Variants in PAIP1 observed in about 807,000 individuals in gnomAD.
The protein encoded by PAIP1 is polyadenylate-binding protein-interacting protein 1.
In PAIP1, 16 loss-of-function variants were observed where a neutral mutation model predicts 61.3. That is an observed-to-expected ratio of 0.26 (90% CI 0.18 to 0.40). The LOEUF (loss-of-function observed/expected upper bound fraction) is 0.40, where lower values mean the gene tolerates loss of function less well. Among genes scored for constraint, PAIP1 ranks in the 10% least tolerant of loss-of-function variants. The probability of loss-of-function intolerance (pLI) is 1.00; values close to 1 mark genes in which losing one functional copy is unlikely to be tolerated. For missense variants in PAIP1, 416 were observed against 600.9 expected (o/e 0.69, Z 3.22); for synonymous variants, 187 against 226.2 (o/e 0.83, Z 1.56).
In PAIP1 at chr5:43,547,741, A is replaced by C. The variant is rs1269814753; in HGVS notation, c.608T>G (p.Leu203Arg). The C allele has an allele frequency of 1.2e-6, 2 of 1,607,186 alleles. No homozygotes were observed. Among genetic ancestry groups the C allele is most frequent in the African/African-American group, 2.7e-5 (2 of 74,566 alleles). Residue 203 changes from leucine to arginine, a missense_variant, in exon 3 of 11, where the codon CTC becomes CGC. By Grantham distance (102) the Leu-to-Arg change is moderately radical. This residue lies in a region of PAIP1 where 180 missense variants were observed against 211.2 expected (regional missense o/e 0.85). Transcript: ENST00000306846. Reference sequence around the variant, plus strand: ...AAGCCAACATACCTGTTGATAGATGAGTTCCACAAGTTCTTGCAAAGCATC... The same window carrying C: ...AAGCCAACATACCTGTTGATAGATGCGTTCCACAAGTTCTTGCAAAGCATC... ...TDDALQELVE[L>R]IYQQATSIPN...
chr5:43,537,936 G>A (rs1747218710), intron 5 of PAIP1, among the ~76,000 whole-genome samples: 1 of 145,550 alleles, frequency 6.9e-6, no homozygotes, highest in Non-Finnish European at 1.5e-5. Context: ...GGAGGTTGTA[G>A]TGAGCCGAGA....
intron 2 of PAIP1, among the ~76,000 whole-genome samples, chr5:43,551,896 T>C (rs1046897588): frequency 2.0e-5 from 3 of 152,126 alleles, no homozygotes; most frequent in African/African-American, 7.2e-5. Flanking sequence ...GCATAGAGTA[T>C]TTGGAACAGA....
At chr5:43,529,409 CTT>C (rs143733758) in intron 10 of PAIP1, among the ~76,000 whole-genome samples, 1 of 144,574 alleles carries the variant, frequency 6.9e-6, no homozygotes, top group Non-Finnish European at 1.5e-5. Context: ...ATCAAAATGC[CTT>C]TTTTTTTTTT....
At chr5:43,539,428 A>G (rs1747301173) in intron 4 of PAIP1, among the ~76,000 whole-genome samples, 1 of 149,878 alleles carries the variant, frequency 6.7e-6, no homozygotes, top group Non-Finnish European at 1.5e-5. Context: ...TTTTAATACT[A>G]CAACTTTGAA....
At chr5:43,539,431 A>G (rs564300433) in intron 4 of PAIP1, among the ~76,000 whole-genome samples, 1 of 148,554 alleles carries the variant, frequency 6.7e-6, no homozygotes, top group South Asian at 2.2e-4. Context: ...TAATACTACA[A>G]CTTTGAAAAG....
At chr5:43,549,943 C>G (rs1349454475) in intron 2 of PAIP1, among the ~76,000 whole-genome samples, 1 of 152,074 alleles carries the variant, frequency 6.6e-6, no homozygotes, top group Non-Finnish European at 1.5e-5. Flanking sequence ...AGGATGGTCT[C>G]AAACTCCTGA....
chr5:43,528,358 G>GA (rs1746789391), intron 10 of PAIP1, among the ~76,000 whole-genome samples: 2 of 151,704 alleles, frequency 1.3e-5, no homozygotes. Context: ...CTACAAGCAT[G>GA]AAAAAACAAT....
chr5:43,550,252 A>C (rs1747808454), intron 2 of PAIP1, among the ~76,000 whole-genome samples: 1 of 152,160 alleles, frequency 6.6e-6, no homozygotes, highest in African/African-American at 2.4e-5. Context: ...TGATGCATTT[A>C]TTTACTAATC....
At chr5:43,542,956 C>A (rs1378793414) in intron 4 of PAIP1, 48 bp downstream of exon 4, 2 of 969,592 alleles carry the variant, frequency 2.1e-6, no homozygotes, top group Admixed American at 3.5e-5. Context: ...TGGTCAAATT[C>A]TAGTATATTT....
chr5:43,529,732 A>G, intron 10 of PAIP1, 54 bp downstream of exon 10: 1 of 917,406 alleles, frequency 1.1e-6, no homozygotes, highest in Non-Finnish European at 1.8e-6. Context: ...TCTAATCTCC[A>G]CCTATAAATT....
intron 9 of PAIP1, among the ~76,000 whole-genome samples, chr5:43,533,253 T>G (rs965804647): frequency 6.6e-6 from 1 of 152,210 alleles, no homozygotes; most frequent in African/African-American, 2.4e-5. Context: ...GCAATCTTTC[T>G]ATAAATGGTC....
At chr5:43,542,496 T>C (rs1255889488) in intron 4 of PAIP1, among the ~76,000 whole-genome samples, 1 of 144,156 alleles carries the variant, frequency 6.9e-6, no homozygotes, top group Non-Finnish European at 1.5e-5. Context: ...AGCGTGCCGC[T>C]GCACTCCAGC....
At chr5:43,535,053 A>G in intron 7 of PAIP1, 83 bp from the exon 8 acceptor site, 2 of 754,498 alleles carry the variant, frequency 2.7e-6, no homozygotes, top group Non-Finnish European at 4.7e-6. Context: ...CCAAAACTTT[A>G]TTTCCTTAAT....
In PAIP1 at chr5:43,556,704, G is replaced by A. The variant is rs997321863; in HGVS notation, c.143C>T (p.Pro48Leu). The A allele has an allele frequency of 1.4e-5, 19 of 1,330,022 alleles. No homozygotes were observed. Among genetic ancestry groups the A allele is most frequent in the Admixed American group, 4.0e-5 (1 of 25,270 alleles). The allele number at this position is 1,330,022 out of a possible 1,614,324, so 82.4% of individuals were successfully genotyped here. A position where few individuals can be genotyped will look rare whatever the true frequency, so the allele number is the denominator to read the frequency against. ...AERARHQPPQ[P>L]KAPGFLQPPP... ...TGGCTGCAGGAAGCCCGGGGCTTTG[G>A]GTTGCGGCGGCTGGTGCCGCGCCCG... Residue 48 changes from proline to leucine, a missense_variant, in exon 1 of 11, where the codon CCC (proline) becomes CTC (leucine). Coordinates refer to ENST00000306846, the MANE Select transcript of PAIP1 (RefSeq NM_006451.5).
intron 9 of PAIP1, among the ~76,000 whole-genome samples, chr5:43,532,192 GA>G (rs1746970511): frequency 6.6e-6 from 1 of 151,890 alleles, no homozygotes. Context: ...AAACAGGTTA[GA>G]AAAAATAAAA....
At chr5:43,547,557 G>T (rs1171051226) in intron 3 of PAIP1, among the ~76,000 whole-genome samples, 171 bp downstream of exon 3, 1 of 152,070 alleles carries the variant, frequency 6.6e-6, no homozygotes, top group Non-Finnish European at 1.5e-5. Context: ...TCTACCCTTG[G>T]ATCCCTAACT....
intron 5 of PAIP1, among the ~76,000 whole-genome samples, chr5:43,538,286 C>T (rs1747237972): frequency 6.6e-6 from 1 of 151,930 alleles, no homozygotes; most frequent in South Asian, 2.1e-4. Flanking sequence ...CTCTTGTACA[C>T]CATGATGACT....
In PAIP1 at chr5:43,527,120, A is replaced by G. The variant is rs1346885410; in HGVS notation, c.*256T>C. ...AATTTTCAACATTTCATTTATTTCA[A>G]AATCGATTTTATTGCAGCCAAAACA... On this transcript the variant is annotated 3_prime_UTR_variant, in exon 11 of 11. Transcript: ENST00000306846. 12 of 239,060 alleles carry G rather than the reference A, an allele frequency of 5.0e-5. No homozygotes were observed. The highest frequency in any genetic ancestry group is 8.8e-5 in the Non-Finnish European group (11 of 125,510). The allele number at this position is 239,060 out of a possible 1,614,324, so 14.8% of individuals were successfully genotyped here.
rs1748106544 is a variant in PAIP1, at chr5:43,556,758, C to G, written c.89G>C (p.Gly30Ala). The G allele has an allele frequency of 7.1e-7, 1 of 1,418,286 alleles. No individual in the cohort carries two copies. The highest frequency in any genetic ancestry group is 9.2e-7 in the Non-Finnish European group (1 of 1,089,886). 87.9% of individuals were successfully genotyped at this position (1,418,286 alleles called of 1,614,324 possible). A position where few individuals can be genotyped will look rare whatever the true frequency, so the allele number is the denominator to read the frequency against. Residue 30 changes from glycine (G) to alanine (A), a missense_variant, in exon 1 of 11, where the codon GGT (glycine) becomes GCT (alanine). By Grantham distance (60) the Gly-to-Ala change is moderately conservative. Around this residue, in one of 4 missense-constraint regions of PAIP1, gnomAD observed 97 missense variants for 89.5 expected, o/e 1.08. Transcript: ENST00000306846. ...AGCAGGCCCCGCTCCGTTCGGGAAA[C>G]CGCCGCCCTCAGGCCCGCCCCCTCC... ...GRGGGGPEGG[G>A]FPNGAGPAER...
Sources: allele counts gnomAD v4.1 joint callset (sites outside exome capture counted in the v4.1 genomes callset), GRCh38; gene constraint gnomAD v4.1.1; regional missense constraint gnomAD v4.1.1; transcripts MANE v1.5; gene names NCBI Gene and HGNC (gene_info 2026-07-23, HGNC 2026-07-21).